The following ENTPD1 variants were observed in gnomAD, a reference collection of about 807,000 sequenced individuals.
ENTPD1 encodes the protein ectonucleoside triphosphate diphosphohydrolase 1.
In ENTPD1, 33 loss-of-function variants were observed where a neutral mutation model predicts 57.0. The ratio of observed to expected loss-of-function variants is 0.58; its 90% CI spans 0.44 to 0.77. The LOEUF is 0.77. Ranked by LOEUF, ENTPD1 falls within the 30% of genes least tolerant of loss-of-function variation. The pLI is 0.00. For missense variants in ENTPD1, 501 were observed against 603.4 expected (o/e 0.83, Z 1.78); for synonymous variants, 202 against 218.8 (o/e 0.92, Z 0.68).
chr10:95,844,831 C>A, intron 5 of ENTPD1, 196 bp downstream of exon 5: 1 of 709,212 alleles, frequency 1.4e-6, no homozygotes, highest in Non-Finnish European at 2.5e-6. Flanking sequence ...AGACCTTCTA[C>A]TATTGGGAGA....
intron 7 of ENTPD1, among the ~76,000 whole-genome samples, chr10:95,857,712 G>A (rs2098457619): frequency 6.6e-6 from 1 of 152,214 alleles, no homozygotes. Flanking sequence ...TATTTACGGA[G>A]CACTCACATA....
In ENTPD1 at chr10:95,868,551, C is replaced by T. The variant is rs1251936929; in HGVS notation, c.*2168C>T. On this transcript the variant is annotated 3_prime_UTR_variant, in exon 10 of 10. Coordinates refer to ENST00000371205, the MANE Select transcript of ENTPD1 (RefSeq NM_001776.6). ...TCAAATAAGTTGAGCCAATAACAGCCGCTTTTTTCCTTCTGTCTGCGTATA... is the reference window on the plus strand; with the variant it reads ...TCAAATAAGTTGAGCCAATAACAGCTGCTTTTTTCCTTCTGTCTGCGTATA... The T allele has an allele frequency of 2.2e-5, 22 of 985,258 alleles. No individual in the cohort carries two copies. The highest frequency in any genetic ancestry group is 5.2e-4 in the Middle Eastern group (1 of 1,936). The allele number at this position is 985,258 out of a possible 1,614,324, so 61.0% of individuals were successfully genotyped here.
chr10:95,743,142 CTTT>C (rs1181851696), intron 1 of ENTPD1, among the ~76,000 whole-genome samples: 3 of 152,258 alleles, frequency 2.0e-5, no homozygotes, highest in African/African-American at 7.2e-5. Flanking sequence ...ATTTCTCAGA[CTTT>C]TTATTTTTGA....
Position 95,847,495 on chromosome 10 carries a change from A to G in ENTPD1, c.863A>G (p.Lys288Arg). The G allele has an allele frequency of 6.2e-7, 1 of 1,614,184 alleles. No individual in the cohort carries two copies. The highest frequency in any genetic ancestry group is 8.5e-7 in the Non-Finnish European group (1 of 1,180,024). The change falls in exon 7 of 10, where the codon AAG becomes AGG. Residue 288 changes from lysine (K) to arginine (R), a missense_variant. Transcript: ENST00000371205. ...LRDPCFHPGY[K>R]KVVNVSDLYK... ...GACCCATGCTTTCATCCTGGATATA[A>G]GAAGGTAGTGAACGTAAGTGACCTT...
rs752073050 is a variant in ENTPD1 at position 95,846,904 on chromosome 10, G to A, written c.814-542G>A. ...CTAAGGAGTCTGAGGCAGGAGAATC[G>A]CTTGAACCTGGGAGGCTGAGGTTGC... On this transcript the variant is annotated intron_variant, in intron 6 of 9. Coordinates refer to ENST00000371205, the MANE Select transcript of ENTPD1 (RefSeq NM_001776.6). 3.3e-5 allele frequency among the ~76,000 whole-genome samples: 5 copies of A among 151,784 alleles called. No individual in the cohort carries two copies. In the East Asian group the frequency reaches 7.7e-4, roughly 23 times the overall value.
intron 2 of ENTPD1, among the ~76,000 whole-genome samples, chr10:95,825,641 G>T (rs370679342): frequency 6.6e-5 from 10 of 152,116 alleles, no homozygotes; most frequent in Non-Finnish European, 1.2e-4. Context: ...GCAGTGGCAC[G>T]ATCTCGGCTC....
chr10:95,789,064 A>G (rs565968094), intron 1 of ENTPD1, among the ~76,000 whole-genome samples: 2 of 152,332 alleles, frequency 1.3e-5, no homozygotes, highest in African/African-American at 4.8e-5. Flanking sequence ...AGGAATGCAT[A>G]GTGATCATGG....
At chr10:95,759,721 G>A (rs528875711) in intron 1 of ENTPD1, among the ~76,000 whole-genome samples, 1 of 152,172 alleles carries the variant, frequency 6.6e-6, no homozygotes, top group Non-Finnish European at 1.5e-5. Flanking sequence ...GGTCTAGTGG[G>A]GAAGCCTAAT....
chr10:95,787,080 T>C (rs1185852946), intron 1 of ENTPD1, among the ~76,000 whole-genome samples: 1 of 152,198 alleles, frequency 6.6e-6, no homozygotes, highest in Non-Finnish European at 1.5e-5. Flanking sequence ...GTTTTCAATT[T>C]AGGTAATGAG....
intron 1 of ENTPD1, among the ~76,000 whole-genome samples, chr10:95,819,070 T>A (rs7902190): frequency 0.23 from 35,413 of 152,102 alleles, 4,885 homozygotes; most frequent in African/African-American, 0.38. Context: ...ATTAATGGAG[T>A]AAAATTTTAA....
intron 1 of ENTPD1, among the ~76,000 whole-genome samples, chr10:95,817,841 A>G (rs2098335194): frequency 1.3e-5 from 2 of 152,204 alleles, no homozygotes; most frequent in South Asian, 4.1e-4. Flanking sequence ...TATAAGCACC[A>G]TGAGGATAGG....
rs572209918 is a variant in ENTPD1 at position 95,866,780 on chromosome 10, G to C, written c.*397G>C. On this transcript the variant is annotated 3_prime_UTR_variant, in exon 10 of 10. Coordinates refer to ENST00000371205, the MANE Select transcript of ENTPD1 (RefSeq NM_001776.6). ...AAGAAGAATCTCAGGAACTGGTTCA[G>C]TTGTACTCTTTAAGAACCCCTTTCT... The C allele has an allele frequency of 2.3e-4, 249 of 1,105,202 alleles. 1 individual carries two copies. The Admixed American group carries it at 2.9e-3, about 13-fold the overall frequency. 68.5% of individuals were successfully genotyped at this position (1,105,202 alleles called of 1,614,324 possible). A position where few individuals can be genotyped will look rare whatever the true frequency, so the allele number is the denominator to read the frequency against.
intron 7 of ENTPD1, among the ~76,000 whole-genome samples, chr10:95,849,152 T>C (rs563078521): frequency 6.2e-4 from 94 of 152,332 alleles, no homozygotes; most frequent in African/African-American, 2.1e-3. Flanking sequence ...ATTTTCTTAA[T>C]AACTCCAGAA....
At chr10:95,820,382 G>T (rs1485206540) in intron 1 of ENTPD1, among the ~76,000 whole-genome samples, 1 of 152,188 alleles carries the variant, frequency 6.6e-6, no homozygotes, top group African/African-American at 2.4e-5. Flanking sequence ...AGAGTAGGAT[G>T]AAAGGCTTGC....
chr10:95,773,215 C>T (rs1299942898), intron 1 of ENTPD1, among the ~76,000 whole-genome samples: 1 of 152,172 alleles, frequency 6.6e-6, no homozygotes, highest in East Asian at 1.9e-4. Context: ...TCCCATTTGG[C>T]CCCACCTCTA....
intron 1 of ENTPD1, among the ~76,000 whole-genome samples, chr10:95,738,644 A>T (rs1468772402): frequency 6.6e-6 from 1 of 152,186 alleles, no homozygotes; most frequent in Non-Finnish European, 1.5e-5. Flanking sequence ...ACTCACCATA[A>T]ATAGGCTATG....
chr10:95,721,175 T>A (rs1446206944), intron 1 of ENTPD1, among the ~76,000 whole-genome samples: 1 of 152,172 alleles, frequency 6.6e-6, no homozygotes, highest in Non-Finnish European at 1.5e-5. Flanking sequence ...GCAGTAGGAT[T>A]TTCTTCCTTT....
intron 2 of ENTPD1, among the ~76,000 whole-genome samples, chr10:95,837,841 T>C (rs2098413688): frequency 6.6e-6 from 1 of 152,120 alleles, no homozygotes. Flanking sequence ...TTTTCAGGTC[T>C]TCACTGGGGC....
upstream of ENTPD1, chr10:95,753,726 T>G (rs573543233): frequency 6.6e-6 from 1 of 152,364 alleles, no homozygotes; most frequent in East Asian, 1.9e-4. Flanking sequence ...CTAGGCACTG[T>G]GGCTCACACC....
Sources: gnomAD v4.1 joint callset for allele counts (sites outside exome capture counted in the v4.1 genomes callset) on GRCh38, gnomAD v4.1.1 for gene constraint, MANE v1.5 for transcripts, NCBI Gene and HGNC (gene_info 2026-07-23, HGNC 2026-07-21) for gene names.